DSP: variants seen among roughly 807,000 people sequenced by gnomAD.
DSP encodes desmoplakin.
A neutral mutation model predicts 290.6 loss-of-function variants in DSP; 114 were observed. The observed-to-expected ratio is 0.39, with a 90% CI of 0.34 to 0.46. The LOEUF is 0.46. DSP is among the 20% of genes least tolerant of loss of function. The pLI, the probability that DSP is intolerant of heterozygous loss-of-function variation, is 0.99. For missense variants in DSP, 3,230 were observed against 3,495.8 expected (o/e 0.92, Z 1.92); for synonymous variants, 1,311 against 1,316.4 (o/e 1.00, Z 0.09).
At position 7,542,051 on chromosome 6, in the gene DSP, G is replaced by A. The variant is rs371517189; in HGVS notation, c.136G>A (p.Gly46Ser). ...GTSRMYYSRRGVITDQNSDGY... is the reference protein window; with the variant it reads ...GTSRMYYSRRSVITDQNSDGY... ...CAGCAGGATGTACTATTCTCGGCGC[G>A]GCGTGATCACCGACCAGAACTCGGA... The change falls in exon 1 of 24, where the codon GGC becomes AGC. Residue 46 changes from glycine to serine, a missense_variant. Coordinates refer to ENST00000379802, the MANE Select transcript of DSP (RefSeq NM_004415.4). 1.3e-5 allele frequency: 20 copies of A among 1,572,120 alleles called. No individual in the cohort carries two copies. The highest frequency in any genetic ancestry group is 5.5e-5 in the Admixed American group (3 of 54,114).
chr6:7,585,903 A>T lies in DSP; in HGVS notation c.*25A>T, dbSNP rs1289714312. Reference sequence around the variant, plus strand: ...GTAGTCAGTTGGGAGTGGTTGCTATACCTTGACTTCATTTATATGAATTTC... The same window carrying T: ...GTAGTCAGTTGGGAGTGGTTGCTATTCCTTGACTTCATTTATATGAATTTC... On this transcript the variant is annotated 3_prime_UTR_variant, in exon 24 of 24. Coordinates refer to ENST00000379802, the MANE Select transcript of DSP (RefSeq NM_004415.4). 1 of 1,602,884 alleles carries T rather than the reference A, an allele frequency of 6.2e-7. No homozygotes were observed. Among genetic ancestry groups the T allele is most frequent in the African/African-American group, 1.3e-5 (1 of 74,716 alleles).
chr6:7,585,965 T>C lies in DSP; in HGVS notation c.*87T>C. Reference sequence around the variant, plus strand: ...ATAATAGAAAAGAAAATCCCGGTGCTTGCAGTAGAGTGATAGGACATTCTA... The same window carrying C: ...ATAATAGAAAAGAAAATCCCGGTGCCTGCAGTAGAGTGATAGGACATTCTA... On this transcript the variant is annotated 3_prime_UTR_variant, in exon 24 of 24. Coordinates refer to ENST00000379802, the MANE Select transcript of DSP (RefSeq NM_004415.4). 1 of 1,357,744 alleles carries C rather than the reference T, an allele frequency of 7.4e-7. No homozygotes were observed. 84.1% of individuals were successfully genotyped at this position (1,357,744 alleles called of 1,614,324 possible).
chr6:7,549,290 C>T (rs559307076), intron 1 of DSP, among the ~76,000 whole-genome samples: 3 of 152,244 alleles, frequency 2.0e-5, no homozygotes, highest in Non-Finnish European at 2.9e-5. Flanking sequence ...GCTGGGATTA[C>T]AGGCATGCGC....
In DSP at chr6:7,584,569, A is replaced by T. The variant is rs752175414; in HGVS notation, c.7307A>T (p.Asp2436Val). 6.2e-7 allele frequency: 1 copy of T among 1,614,080 alleles called. No homozygotes were observed. Among genetic ancestry groups the T allele is most frequent in the South Asian group, 1.1e-5 (1 of 91,076 alleles). The change falls in exon 24 of 24, where the codon GAT (aspartate) becomes GTT (valine). Residue 2436 changes from aspartate (D) to valine (V), a missense_variant. This residue lies in a region of DSP where 582 missense variants were observed against 555.4 expected (regional missense o/e 1.05). Coordinates refer to ENST00000379802, the MANE Select transcript of DSP (RefSeq NM_004415.4). This position sits in a 1 kb window ranked among gnomAD's most constrained non-coding sequence, Gnocchi z 6.4. ...YLQLKERCIK[D>V]EETGLCLLPL... ...CAACTAAAAGAAAGATGCATTAAGG[A>T]TGAGGAAACAGGGCTCTGTCTTCTG...
At chr6:7,551,700 A>G (rs1758347178) in intron 1 of DSP, among the ~76,000 whole-genome samples, 1 of 151,996 alleles carries the variant, frequency 6.6e-6, no homozygotes, top group Non-Finnish European at 1.5e-5. Flanking sequence ...CCAGTGCTAC[A>G]CATACAGCTG....
chr6:7,541,782 C>T lies in DSP; in HGVS notation c.-134C>T. The T allele has an allele frequency of 1.7e-6, 2 of 1,177,180 alleles. No homozygotes were observed. The highest frequency in any genetic ancestry group is 1.6e-5 in the South Asian group (1 of 62,016). 72.9% of individuals were successfully genotyped at this position (1,177,180 alleles called of 1,614,324 possible). A position where few individuals can be genotyped will look rare whatever the true frequency, so the allele number is the denominator to read the frequency against. On this transcript the variant is annotated 5_prime_UTR_variant, in exon 1 of 24. Coordinates refer to ENST00000379802, the MANE Select transcript of DSP (RefSeq NM_004415.4). Reference sequence around the variant, plus strand: ...TCGGGAGGGCCCAGGTAGCGAGCAGCGACCTCGCGAGCCTTCCGCACTCCC... The same window carrying T: ...TCGGGAGGGCCCAGGTAGCGAGCAGTGACCTCGCGAGCCTTCCGCACTCCC...
At chr6:7,568,964 A>G (rs1308907863) in intron 11 of DSP, among the ~76,000 whole-genome samples, 1 of 152,204 alleles carries the variant, frequency 6.6e-6, no homozygotes, top group African/African-American at 2.4e-5. Flanking sequence ...AGACCAAATA[A>G]ATAAATAAAA....
chr6:7,576,404 C>T lies in DSP; in HGVS notation c.2741C>T (p.Ser914Phe). 3 of 1,614,104 alleles carry T rather than the reference C, an allele frequency of 1.9e-6. No homozygotes were observed. The highest frequency in any genetic ancestry group is 2.5e-6 in the Non-Finnish European group (3 of 1,180,010). ...AAACGCCGCCAGGATTCCTTAGAAT[C>T]CATGAAATTTGGAGATTCCAACACA... ...DAKRRQDSLE[S>F]MKFGDSNTVM... Residue 914 changes from serine (S) to phenylalanine (F), a missense_variant, in exon 19 of 24, where the codon TCC becomes TTC. Ser to Phe is a radical substitution (Grantham distance 155, BLOSUM62 -2). This residue lies in a region of DSP where 1,714 missense variants were observed against 1,844.5 expected (regional missense o/e 0.93). Coordinates refer to ENST00000379802, the MANE Select transcript of DSP (RefSeq NM_004415.4).
intron 20 of DSP, among the ~76,000 whole-genome samples, chr6:7,577,510 T>A (rs1461157815): frequency 6.6e-6 from 1 of 152,166 alleles, no homozygotes; most frequent in Non-Finnish European, 1.5e-5. Context: ...ATATTTTTAG[T>A]AGAGACAGGG....
chr6:7,542,150 T>C (rs1211384506), intron 1 of DSP, 65 bp downstream of exon 1: 19 of 1,533,116 alleles, frequency 1.2e-5, no homozygotes, highest in Non-Finnish European at 1.6e-5. Flanking sequence ...CGTCCTCCTC[T>C]GGACGACTGG....
rs727503005 is a variant in DSP, at chr6:7,583,916, C to G, written c.6654C>G (p.Thr2218=). 5 of 1,613,910 alleles carry G rather than the reference C, an allele frequency of 3.1e-6. No homozygotes were observed. In the African/African-American group the frequency reaches 4.0e-5, roughly 13 times the overall value. The change falls in exon 24 of 24, where the codon ACC becomes ACG. Residue 2218 remains threonine (T), a synonymous_variant. Transcript: ENST00000379802. This position sits in a 1 kb window ranked among gnomAD's most constrained non-coding sequence, Gnocchi z 4.0. ...MSFQGIRQPV[T]VTELVDSGIL... The stretch of plus-strand genomic sequence containing the variant: ...TCCAAGGAATCAGACAACCTGTGAC[C>G]GTCACTGAGCTAGTAGATTCTGGTA...
At chr6:7,542,174 CG>C in intron 1 of DSP, 89 bp downstream of exon 1, 1 of 1,509,752 alleles carries the variant, frequency 6.6e-7, no homozygotes, top group Middle Eastern at 1.8e-4. Flanking sequence ...ACTCGGGTCC[CG>C]AAGGTGGAAA....
chr6:7,573,729 C>T (rs1468683527), intron 15 of DSP, among the ~76,000 whole-genome samples: 1 of 151,972 alleles, frequency 6.6e-6, no homozygotes, highest in African/African-American at 2.4e-5. Context: ...TGCAGGGAAA[C>T]AGAGAGTAGG....
intron 4 of DSP, among the ~76,000 whole-genome samples, chr6:7,561,390 T>G (rs894956490): frequency 1.9e-4 from 29 of 152,222 alleles, no homozygotes; most frequent in African/African-American, 6.8e-4. Context: ...CTGTGGCTCC[T>G]TTCCTCTTAT....
chr6:7,580,465 G>T lies in DSP; in HGVS notation c.4275G>T (p.Arg1425Ser), dbSNP rs763489227. The T allele has an allele frequency of 1.9e-6, 3 of 1,613,826 alleles. No homozygotes were observed. The African/African-American group carries it at 4.0e-5, about 22-fold the overall frequency. The part of the protein sequence containing the change: ...TLTQTTENLR[R>S]VEEDIQQQKA... Reference sequence around the variant, plus strand: ...CCCAGACCACAGAGAATCTCAGGAGGGTGGAAGAAGACATCCAACAGCAAA... The same window carrying T: ...CCCAGACCACAGAGAATCTCAGGAGTGTGGAAGAAGACATCCAACAGCAAA... Residue 1425 changes from arginine (R) to serine (S), a missense_variant, in exon 23 of 24, where the codon AGG (arginine) becomes AGT (serine). Physicochemically the swap from Arg to Ser is moderately radical, Grantham distance 110. This residue lies in a region of DSP where 1,714 missense variants were observed against 1,844.5 expected (regional missense o/e 0.93). Coordinates refer to ENST00000379802, the MANE Select transcript of DSP (RefSeq NM_004415.4). The surrounding 1 kb of genome is among the most constrained non-coding windows in gnomAD (Gnocchi z 4.2).
intron 1 of DSP, 75 bp from the exon 2 acceptor site, chr6:7,555,643 T>A: frequency 6.9e-7 from 1 of 1,445,152 alleles, no homozygotes; most frequent in Non-Finnish European, 9.6e-7. Flanking sequence ...TTTTTGCAAC[T>A]TTTGCAAGTT....
At position 7,578,376 on chromosome 6, in the gene DSP, C is replaced by T. The variant is rs182159583; in HGVS notation, c.2986-88C>T. 184 of 1,110,964 alleles carry T rather than the reference C, an allele frequency of 1.7e-4. 1 individual carries two copies. In the East Asian group the frequency reaches 3.0e-3, roughly 18 times the overall value. The allele number at this position is 1,110,964 out of a possible 1,614,324, so 68.8% of individuals were successfully genotyped here. A position where few individuals can be genotyped will look rare whatever the true frequency, so the allele number is the denominator to read the frequency against. On this transcript the variant is annotated intron_variant, in intron 21 of 23. Transcript: ENST00000379802. ...AGAGAATTCACTCTTTATAATTTCA[C>T]TATTTTAGAAAACAAAATCGGTCAA...
intron 1 of DSP, among the ~76,000 whole-genome samples, 162 bp downstream of exon 1, chr6:7,542,247 C>T (rs985986038): frequency 6.6e-6 from 1 of 151,248 alleles, no homozygotes; most frequent in African/African-American, 2.4e-5. Flanking sequence ...GACCGGGTGT[C>T]CTGACGCGTG....
intron 23 of DSP, 138 bp downstream of exon 23, chr6:7,581,707 TC>T (rs1432185753): frequency 3.3e-6 from 4 of 1,211,456 alleles, no homozygotes; most frequent in Non-Finnish European, 4.6e-6. Context: ...CTCTACTACT[TC>T]CTGTCATAAT....
Sources: gnomAD v4.1 joint callset for allele counts (sites outside exome capture counted in the v4.1 genomes callset) on GRCh38, gnomAD v4.1.1 for gene constraint, gnomAD v4.1.1 regional missense constraint, Gnocchi (gnomAD v3.1) non-coding constraint, MANE v1.5 for transcripts, NCBI Gene and HGNC (gene_info 2026-07-23, HGNC 2026-07-21) for gene names.